The following HSF1 variants were observed in gnomAD, a reference collection of about 807,000 sequenced individuals.
HSF1 encodes the protein heat shock factor protein 1.
A neutral mutation model predicts 51.7 loss-of-function variants in HSF1; 32 were observed. The ratio of observed to expected loss-of-function variants is 0.62; its 90% CI spans 0.47 to 0.83. The LOEUF is 0.83. Among genes scored for constraint, HSF1 ranks in the 40% least tolerant of loss-of-function variants. HSF1 has a pLI of 0.00. For missense variants in HSF1, 727 were observed against 717.0 expected, an observed-to-expected ratio of 1.01 and a Z score of -0.16; for synonymous variants, 396 against 309.7, an observed-to-expected ratio of 1.28 and a Z score of -2.92.
rs781859864 is a variant in HSF1, at chr8:144,312,157, G to A, written c.1055G>A (p.Arg352Lys). The A allele has an allele frequency of 6.2e-7, 1 of 1,610,746 alleles. No homozygotes were observed. Among genetic ancestry groups the A allele is most frequent in the South Asian group, 1.1e-5 (1 of 91,066 alleles). The change falls in exon 9 of 13, where the codon AGG (arginine) becomes AAG (lysine). Residue 352 changes from arginine to lysine, a missense_variant. This residue lies in a region of HSF1 where 470 missense variants were observed against 398.8 expected (regional missense o/e 1.18). Transcript: ENST00000528838. ...TCCGTCACAGCCCTCACGGACGCCA[G>A]GGGCCACACGGACACCGAGGGCCGG... is the stretch of plus-strand genomic sequence containing the variant. Reference protein sequence around the residue: ...PASVTALTDARGHTDTEGRPP... With the variant: ...PASVTALTDAKGHTDTEGRPP...
At chr8:144,307,609 G>A (rs782671159) in intron 1 of HSF1, among the ~76,000 whole-genome samples, 20 of 152,126 alleles carry the variant, frequency 1.3e-4, no homozygotes, top group Admixed American at 7.9e-4. Context: ...GCGTGGTGGC[G>A]CCTATAGTCA....
At chr8:144,313,457 A>G (rs1277656951) in intron 9 of HSF1, 54 bp from the exon 10 acceptor site, 3 of 1,167,576 alleles carry the variant, frequency 2.6e-6, no homozygotes, top group Non-Finnish European at 3.8e-6. Context: ...ACAGGAGGGC[A>G]TTGGGGTGTG....
Position 144,312,185 on chromosome 8 carries a change from T to TGCCCAACC in HSF1, c.1083_1084insGCCCAACC (p.Pro362AlafsTer18). On this transcript the variant is annotated frameshift_variant, in exon 9 of 13. Coordinates refer to ENST00000528838, the MANE Select transcript of HSF1 (RefSeq NM_005526.4). LOFTEE classifies it high-confidence loss of function. ...GCCACACGGACACCGAGGGCCGGCCTCCCTCCCCCCCGCCCACCTCCACCC... is the reference window on the plus strand; with the variant it reads ...GCCACACGGACACCGAGGGCCGGCCTGCCCAACCCCCTCCCCCCCGCCCACCTCCACCC... 4.6e-6 allele frequency: 7 copies of TGCCCAACC among 1,532,874 alleles called. No individual in the cohort carries two copies. Among genetic ancestry groups the TGCCCAACC allele is most frequent in the African/African-American group, 1.4e-5 (1 of 70,064 alleles). 95.0% of individuals were successfully genotyped at this position (1,532,874 alleles called of 1,614,324 possible).
Position 144,310,021 on chromosome 8 carries a change from C to T in HSF1, c.488+125C>T. The stretch of plus-strand genomic sequence containing the variant: ...CAGCTCCACCCTCCCGCTCCACGCA[C>T]ATCTACCCTGGGCCTCTGCCCCAGC... On this transcript the variant is annotated intron_variant, in intron 4 of 12. Coordinates refer to ENST00000528838, the MANE Select transcript of HSF1 (RefSeq NM_005526.4). 3.4e-6 allele frequency: 4 copies of T among 1,184,024 alleles called. No individual in the cohort carries two copies. The South Asian group carries it at 4.6e-5, about 14-fold the overall frequency. The allele number at this position is 1,184,024 out of a possible 1,614,324, so 73.3% of individuals were successfully genotyped here. A position where few individuals can be genotyped will look rare whatever the true frequency, so the allele number is the denominator to read the frequency against.
rs1346557153 is a variant in HSF1, at chr8:144,308,823, G to A, written c.118-83G>A. The A allele has an allele frequency of 9.8e-6, 11 of 1,125,036 alleles. No homozygotes were observed. The Admixed American group carries it at 1.7e-4, about 17-fold the overall frequency. The allele number at this position is 1,125,036 out of a possible 1,614,324, so 69.7% of individuals were successfully genotyped here. A position where few individuals can be genotyped will look rare whatever the true frequency, so the allele number is the denominator to read the frequency against. ...TGGAACGTGCACTGCCTGCGTTTCA[G>A]AAGGGGCGGCCTGGGGAAGGGGCGG... On this transcript the variant is annotated intron_variant, in intron 1 of 12. Coordinates refer to ENST00000528838, the MANE Select transcript of HSF1 (RefSeq NM_005526.4).
chr8:144,301,246 C>G (rs1460760532), intron 1 of HSF1, among the ~76,000 whole-genome samples: 4 of 151,922 alleles, frequency 2.6e-5, no homozygotes, highest in Admixed American at 2.6e-4. Context: ...TAGCAAGACC[C>G]TGTCTCTATA....
intron 1 of HSF1, 127 bp downstream of exon 1, chr8:144,292,001 GC>G (rs782257666): frequency 2.1e-6 from 1 of 471,548 alleles, no homozygotes; most frequent in African/African-American, 2.1e-5. Context: ...AGCCTGCCCT[GC>G]CCCCGCCAGA....
chr8:144,309,430 C>T (rs369080597), intron 2 of HSF1, 25 bp from the exon 3 acceptor site: 75 of 1,613,056 alleles, frequency 4.6e-5, no homozygotes, highest in Non-Finnish European at 5.9e-5. Flanking sequence ...TGAGGCAGAG[C>T]TGCCCCCTTC....
chr8:144,312,499 C>G (rs1172799508), intron 9 of HSF1: 3 of 872,176 alleles, frequency 3.4e-6, no homozygotes, highest in Non-Finnish European at 5.4e-6. Flanking sequence ...CTGCCGCCAC[C>G]CTCGCCACAG....
Position 144,314,463 on chromosome 8 carries a change from C to G in HSF1, c.*133C>G. 1.4e-6 allele frequency: 1 copy of G among 723,268 alleles called. No homozygotes were observed. The highest frequency in any genetic ancestry group is 2.3e-6 in the Non-Finnish European group (1 of 434,332). 44.8% of individuals were successfully genotyped at this position (723,268 alleles called of 1,614,324 possible). On this transcript the variant is annotated 3_prime_UTR_variant, in exon 13 of 13. Coordinates refer to ENST00000528838, the MANE Select transcript of HSF1 (RefSeq NM_005526.4). ...ATAGCCCCAGTAGGACAAACGGGCTCGGGTCTGGGCAGCACCTCTGGTCAG... is the reference window on the plus strand; with the variant it reads ...ATAGCCCCAGTAGGACAAACGGGCTGGGGTCTGGGCAGCACCTCTGGTCAG...
Position 144,311,224 on chromosome 8 carries a change from C to T in HSF1, c.539C>T (p.Ala180Val). ...REVASLRQKH[A>V]QQQKVVNKLI... ...GTGGCCAGCCTTCGGCAGAAGCATG[C>T]CCAGCAACAGAAAGTCGTCAACAAG... Residue 180 changes from alanine (A) to valine (V), a missense_variant, in exon 5 of 13, where the codon GCC (alanine) becomes GTC (valine). Coordinates refer to ENST00000528838, the MANE Select transcript of HSF1 (RefSeq NM_005526.4). The T allele has an allele frequency of 6.2e-7, 1 of 1,611,908 alleles. No individual in the cohort carries two copies. Among genetic ancestry groups the T allele is most frequent in the South Asian group, 1.1e-5 (1 of 90,960 alleles).
Position 144,311,257 on chromosome 8 carries a change from C to T in HSF1, c.564+8C>T. The T allele has an allele frequency of 6.2e-7, 1 of 1,613,430 alleles. No individual in the cohort carries two copies. The highest frequency in any genetic ancestry group is 1.3e-5 in the African/African-American group (1 of 75,072). On this transcript the variant is annotated splice_region_variant and intron_variant, in intron 5 of 12. Transcript: ENST00000528838. ...CAGAAAGTCGTCAACAAGGTGGGGG[C>T]AGGGCCAGAGGGCCGGCGGGGGCCC...
In HSF1 at chr8:144,309,904, C is replaced by T. The variant is rs1554844033; in HGVS notation, c.488+8C>T. The T allele has an allele frequency of 9.3e-6, 15 of 1,612,444 alleles. No homozygotes were observed. Among genetic ancestry groups the T allele is most frequent in the African/African-American group, 1.3e-5 (1 of 75,000 alleles). On this transcript the variant is annotated splice_region_variant and intron_variant, in intron 4 of 12. Coordinates refer to ENST00000528838, the MANE Select transcript of HSF1 (RefSeq NM_005526.4). ...GCTCCTGGCCATGAAGCAGTAGGTC[C>T]CACACCAGCATTATGGGCCACAGCG... is the stretch of plus-strand genomic sequence containing the variant.
chr8:144,300,431 A>C (rs562067180), intron 1 of HSF1, among the ~76,000 whole-genome samples: 1 of 151,944 alleles, frequency 6.6e-6, no homozygotes, highest in African/African-American at 2.4e-5. Flanking sequence ...GTTAGCCAGG[A>C]TGGTCTCAAT....
At chr8:144,304,624 T>C (rs1816096119) in intron 1 of HSF1, among the ~76,000 whole-genome samples, 1 of 152,030 alleles carries the variant, frequency 6.6e-6, no homozygotes, top group Non-Finnish European at 1.5e-5. Context: ...TTAATGCTTT[T>C]ATTTTATTTG....
intron 1 of HSF1, among the ~76,000 whole-genome samples, chr8:144,301,477 A>G (rs1815864391): frequency 6.6e-6 from 1 of 152,190 alleles, no homozygotes. Flanking sequence ...CACAAATCCA[A>G]GAATATCAGT....
chr8:144,300,065 A>G (rs1403515982), intron 1 of HSF1, among the ~76,000 whole-genome samples: 3 of 152,182 alleles, frequency 2.0e-5, no homozygotes. Flanking sequence ...TCACTCCAGA[A>G]GCCTGGGCTT....
At chr8:144,298,812 C>T (rs62532313) in intron 1 of HSF1, among the ~76,000 whole-genome samples, 60,793 of 152,062 alleles carry the variant, frequency 0.4, 13,731 homozygotes, top group East Asian at 0.54. Flanking sequence ...GCAATCTGCG[C>T]GTGAGCCCGC....
At position 144,309,441 on chromosome 8, in the gene HSF1, C is replaced by T. The variant is rs1405357689; in HGVS notation, c.227-14C>T. 3 of 1,613,768 alleles carry T rather than the reference C, an allele frequency of 1.9e-6. No individual in the cohort carries two copies. Among genetic ancestry groups the T allele is most frequent in the Non-Finnish European group, 2.5e-6 (3 of 1,179,926 alleles). ...GCCCTGAGGCAGAGCTGCCCCCTTCCCTGTTATGTGCAGATGGCTTCCGGA... is the reference window on the plus strand; with the variant it reads ...GCCCTGAGGCAGAGCTGCCCCCTTCTCTGTTATGTGCAGATGGCTTCCGGA... On this transcript the variant is annotated splice_polypyrimidine_tract_variant and intron_variant, in intron 2 of 12. Transcript: ENST00000528838.
Sources: gnomAD v4.1 joint callset for allele counts (sites outside exome capture counted in the v4.1 genomes callset) on GRCh38, gnomAD v4.1.1 for gene constraint, gnomAD v4.1.1 regional missense constraint, MANE v1.5 for transcripts, NCBI Gene and HGNC (gene_info 2026-07-23, HGNC 2026-07-21) for gene names.